TXLNG: variants seen among roughly 807,000 people sequenced by gnomAD.
TXLNG encodes gamma-taxilin.
In TXLNG, 5 loss-of-function variants were observed where a neutral mutation model predicts 38.8. The observed-to-expected ratio is 0.13, with a 90% CI of 0.07 to 0.27. TXLNG has a LOEUF of 0.27. Among genes scored for constraint, TXLNG ranks in the 10% least tolerant of loss-of-function variants. The pLI is 1.00. For missense variants in TXLNG, 393 were observed against 398.2 expected (o/e 0.99, Z 0.11); for synonymous variants, 182 against 158.2 (o/e 1.15, Z -1.13).
intron 7 of TXLNG, among the ~76,000 whole-genome samples, chrX:16,834,957 G>C (rs980974405): frequency 9.1e-6 from 1 of 109,453 alleles, no homozygotes; most frequent in Non-Finnish European, 1.9e-5. Flanking sequence ...AGGATCGCTT[G>C]TGCTGGTGTT....
intron 1 of TXLNG, among the ~76,000 whole-genome samples, chrX:16,814,695 C>T (rs1391316711): frequency 9.0e-6 from 1 of 111,386 alleles, no homozygotes; most frequent in Admixed American, 9.6e-5. Context: ...TAGCCAAATC[C>T]ATAGAGGCAG....
At chrX:16,820,609 T>C (rs1188318009) in intron 3 of TXLNG, among the ~76,000 whole-genome samples, 1 of 111,684 alleles carries the variant, frequency 9.0e-6, no homozygotes, top group Non-Finnish European at 1.9e-5. Context: ...TTCTAGAGAT[T>C]GAGGACTGTT....
In TXLNG at chrX:16,841,822, AGTAGTTAACTATTGGTTTT is replaced by A. The variant is rs752581571; in HGVS notation, c.*59_*77del. On this transcript the variant is annotated 3_prime_UTR_variant, in exon 10 of 10. Transcript: ENST00000380122. The stretch of plus-strand genomic sequence containing the variant: ...TATTTTGTGTATAACTTTCTCTGTT[AGTAGTTAACTATTGGTTTT>A]GTGGTGAAAATTTTCTTACTTTTTC... 986 of 1,103,639 alleles carry A rather than the reference AGTAGTTAACTATTGGTTTT, an allele frequency of 8.9e-4. 2 individuals are homozygous for A. The highest frequency in any genetic ancestry group is 1.1e-3 in the Middle Eastern group (4 of 3,700). 91.0% of individuals were successfully genotyped at this position (1,103,639 alleles called of 1,213,427 possible).
At chrX:16,803,578 C>T (rs1193154422) in intron 1 of TXLNG, among the ~76,000 whole-genome samples, 1 of 104,189 alleles carries the variant, frequency 9.6e-6, no homozygotes, top group Admixed American at 1.0e-4. Context: ...CTCCTGACCT[C>T]GTGATCCACC....
intron 1 of TXLNG, among the ~76,000 whole-genome samples, chrX:16,815,832 T>G (rs1928720852): frequency 9.1e-6 from 1 of 110,202 alleles, no homozygotes; most frequent in South Asian, 3.8e-4. Flanking sequence ...TCCGAAATTT[T>G]TTTTTTTTAA....
At chrX:16,822,218 G>A (rs1928999860) in intron 3 of TXLNG, among the ~76,000 whole-genome samples, 1 of 108,250 alleles carries the variant, frequency 9.2e-6, no homozygotes, top group Admixed American at 1.0e-4. Flanking sequence ...GCGGGTGCAT[G>A]TAGTCCCAGC....
chrX:16,840,051 G>A (rs1043947065), intron 9 of TXLNG, 135 bp downstream of exon 9: 4 of 453,119 alleles, frequency 8.8e-6, no homozygotes, highest in Non-Finnish European at 1.5e-5. Context: ...TTGGGGCGGG[G>A]GTGGGGATGA....
rs754311442 is a variant in TXLNG at position 16,793,485 on chromosome X, C to CT, written c.102+6909dup. On this transcript the variant is annotated intron_variant, in intron 1 of 9. Coordinates refer to ENST00000380122, the MANE Select transcript of TXLNG (RefSeq NM_018360.3). ...TGTCCTGAGTAATATTTACTGGCTACTTTTTTTTTTTTTCATGTTTCTTCT... is the reference window on the plus strand; with the variant it reads ...TGTCCTGAGTAATATTTACTGGCTACTTTTTTTTTTTTTTCATGTTTCTTCT... Among the ~76,000 whole-genome samples, 245 of 100,408 alleles carry CT rather than the reference C, an allele frequency of 2.4e-3. 10 individuals carry two copies. Among genetic ancestry groups the CT allele is most frequent in the Admixed American group, 0.018 (168 of 9,129 alleles). The allele number at this position is 100,408 out of a possible 115,157, so 87.2% of individuals were successfully genotyped here. A position where few individuals can be genotyped will look rare whatever the true frequency, so the allele number is the denominator to read the frequency against.
rs768105422 is a variant in TXLNG at position 16,844,101 on chromosome X, T to C, written c.*2335T>C. On this transcript the variant is annotated 3_prime_UTR_variant, in exon 10 of 10. Coordinates refer to ENST00000380122, the MANE Select transcript of TXLNG (RefSeq NM_018360.3). Reference sequence around the variant, plus strand: ...GAATCGTGATGTGTATTATTTATATTGGCGGTGGACTCCAAGGTGTAGAGA... The same window carrying C: ...GAATCGTGATGTGTATTATTTATATCGGCGGTGGACTCCAAGGTGTAGAGA... 8.9e-6 allele frequency: 1 copy of C among 112,218 alleles called. No homozygotes were observed. The highest frequency in any genetic ancestry group is 3.7e-4 in the South Asian group (1 of 2,701). The allele number at this position is 112,218 out of a possible 1,213,427, so 9.2% of individuals were successfully genotyped here. A position where few individuals can be genotyped will look rare whatever the true frequency, so the allele number is the denominator to read the frequency against.
At chrX:16,814,489 C>G in intron 1 of TXLNG, among the ~76,000 whole-genome samples, 1 of 111,791 alleles carries the variant, frequency 8.9e-6, no homozygotes, top group East Asian at 2.8e-4. Flanking sequence ...GTTGCGGGTG[C>G]CCGTAATCCC....
At position 16,802,826 on chromosome X, in the gene TXLNG, T is replaced by C. The variant is rs1370988307; in HGVS notation, c.103-15748T>C. Reference sequence around the variant, plus strand: ...CCAAGATGCTTTCTTTCTTTCTTTTTTTTTTTTTTTTTGAGACAGAGTTTT... The same window carrying C: ...CCAAGATGCTTTCTTTCTTTCTTTTCTTTTTTTTTTTTGAGACAGAGTTTT... On this transcript the variant is annotated intron_variant, in intron 1 of 9. Coordinates refer to ENST00000380122, the MANE Select transcript of TXLNG (RefSeq NM_018360.3). Among the ~76,000 whole-genome samples the C allele has an allele frequency of 3.7e-5, 4 of 107,549 alleles. No homozygotes were observed. The East Asian group carries it at 8.6e-4, about 23-fold the overall frequency. The allele number at this position is 107,549 out of a possible 115,157, so 93.4% of individuals were successfully genotyped here.
chrX:16,820,356 G>A, intron 3 of TXLNG, 101 bp downstream of exon 3: 1 of 587,638 alleles, frequency 1.7e-6, no homozygotes, highest in African/African-American at 2.3e-5. Flanking sequence ...GGCCTTAAAT[G>A]TAAAATTATA....
chrX:16,814,546 C>T (rs1210717218), intron 1 of TXLNG, among the ~76,000 whole-genome samples: 2 of 111,683 alleles, frequency 1.8e-5, no homozygotes, highest in East Asian at 2.8e-4. Context: ...ACCCGGGAGG[C>T]GGAGGTTGCA....
At chrX:16,820,846 G>A (rs1401353622) in intron 3 of TXLNG, among the ~76,000 whole-genome samples, 1 of 111,503 alleles carries the variant, frequency 9.0e-6, no homozygotes, top group Non-Finnish European at 1.9e-5. Context: ...TCAGCAGACT[G>A]CAAGCTCCAC....
intron 5 of TXLNG, among the ~76,000 whole-genome samples, chrX:16,830,318 T>C (rs534951567): frequency 8.3e-5 from 9 of 108,511 alleles, no homozygotes; most frequent in East Asian, 3.0e-4. Context: ...AACTTGGCCA[T>C]TGGCCTTCAA....
rs766313562 is a variant in TXLNG at position 16,841,807 on chromosome X, A to G, written c.*41A>G. 8.8e-6 allele frequency: 10 copies of G among 1,137,979 alleles called. No homozygotes were observed. In the East Asian group the frequency reaches 1.8e-4, roughly 21 times the overall value. The allele number at this position is 1,137,979 out of a possible 1,213,427, so 93.8% of individuals were successfully genotyped here. ...CTGTATTGAGAGATATATTTTGTGT[A>G]TAACTTTCTCTGTTAGTAGTTAACT... On this transcript the variant is annotated 3_prime_UTR_variant, in exon 10 of 10. Transcript: ENST00000380122.
rs1225766956 is a variant in TXLNG at position 16,802,938 on chromosome X, G to A, written c.103-15636G>A. Among the ~76,000 whole-genome samples the A allele has an allele frequency of 4.7e-5, 5 of 107,187 alleles. No individual in the cohort carries two copies. In the Admixed American group the frequency reaches 5.1e-4, roughly 11 times the overall value. 93.1% of individuals were successfully genotyped at this position (107,187 alleles called of 115,157 possible). A position where few individuals can be genotyped will look rare whatever the true frequency, so the allele number is the denominator to read the frequency against. On this transcript the variant is annotated intron_variant, in intron 1 of 9. Coordinates refer to ENST00000380122, the MANE Select transcript of TXLNG (RefSeq NM_018360.3). The stretch of plus-strand genomic sequence containing the variant: ...CAGGTTCAAGCAATTCCCTGCCTCA[G>A]CCTCCCGAGTAGATGGGATTACAGG...
intron 1 of TXLNG, among the ~76,000 whole-genome samples, chrX:16,813,375 C>T (rs1467547655): frequency 1.8e-5 from 2 of 110,385 alleles, no homozygotes; most frequent in African/African-American, 3.3e-5. Flanking sequence ...CGCGTGGTGG[C>T]TCACGCCTGT....
chrX:16,789,700 A>G (rs1222148744), intron 1 of TXLNG, among the ~76,000 whole-genome samples: 1 of 108,038 alleles, frequency 9.3e-6, no homozygotes, highest in East Asian at 2.8e-4. Context: ...AAAAAAATTA[A>G]TAGACTTTTT....
Sources: gnomAD v4.1 joint callset for allele counts (sites outside exome capture counted in the v4.1 genomes callset) on GRCh38, gnomAD v4.1.1 for gene constraint, MANE v1.5 for transcripts, NCBI Gene and HGNC (gene_info 2026-07-23, HGNC 2026-07-21) for gene names.